Variants in STX8 observed in about 807,000 individuals in gnomAD.
STX8 encodes syntaxin-8.
Under a neutral mutation model 37.5 loss-of-function variants are expected in STX8, and 23 were observed. That is an observed-to-expected ratio of 0.61 (90% confidence interval 0.44 to 0.87). STX8 has a LOEUF of 0.87. STX8 is among the 40% of genes least tolerant of loss of function. The probability of loss-of-function intolerance (pLI) is 0.00; values close to 1 mark genes in which losing one functional copy is unlikely to be tolerated. For missense variants in STX8, 313 were observed against 284.7 expected (o/e 1.10, Z -0.71); for synonymous variants, 115 against 99.1 (o/e 1.16, Z -0.95).
rs140965935 is a variant in STX8, at chr17:9,356,960, G to GTTTTTTTTTTT, written c.643+21581_643+21591dup. ...TTTCATTCTCTCCATCCTTTTAACAGTTTTTTTTTTTTTTTTTTTTTTTTT... is the reference window on the plus strand; with the variant it reads ...TTTCATTCTCTCCATCCTTTTAACAGTTTTTTTTTTTTTTTTTTTTTTTTTTTTTTTTTTTT... On this transcript the variant is annotated intron_variant, in intron 7 of 7. Transcript: ENST00000306357. Among the ~76,000 whole-genome samples the GTTTTTTTTTTT allele has an allele frequency of 1.4e-3, 84 of 61,748 alleles. 3 individuals are homozygous for GTTTTTTTTTTT. The highest frequency in any genetic ancestry group is 2.0e-3 in the Non-Finnish European group (70 of 34,704). The allele number at this position is 61,748 out of a possible 152,430, so 40.5% of individuals were successfully genotyped here.
chr17:9,415,568 G>A (rs757175859), intron 6 of STX8, among the ~76,000 whole-genome samples: 5 of 151,996 alleles, frequency 3.3e-5, no homozygotes, highest in African/African-American at 4.8e-5. Flanking sequence ...TCAGGAGATT[G>A]AGCATCCTGG....
intron 7 of STX8, among the ~76,000 whole-genome samples, chr17:9,263,415 G>A (rs1223630913): frequency 6.7e-6 from 1 of 150,180 alleles, no homozygotes; most frequent in East Asian, 2.0e-4. Context: ...GGAGGCGGAG[G>A]TTGCAGTGAG....
rs557694768 is a variant in STX8 at position 9,434,111 on chromosome 17, C to T, written c.542-55458G>A. 5.3e-3 allele frequency among the ~76,000 whole-genome samples: 800 copies of T among 152,248 alleles called. 2 individuals are homozygous for T. The highest frequency in any genetic ancestry group is 0.01 in the Middle Eastern group (3 of 294). On this transcript the variant is annotated intron_variant, in intron 6 of 7. Transcript: ENST00000306357. ...CTCCGCCTCCCAGGTTCAAGCAATT[C>T]TCCTGCCTCAGCCTCCTGAGTAGCT...
chr17:9,548,965 G>C (rs1049103449), intron 3 of STX8, among the ~76,000 whole-genome samples: 5 of 152,132 alleles, frequency 3.3e-5, no homozygotes, highest in African/African-American at 1.2e-4. Flanking sequence ...CCTAATGTTT[G>C]TCTCTATCAT....
chr17:9,553,511 A>T (rs1490892271), intron 3 of STX8: 1 of 152,240 alleles, frequency 6.6e-6, no homozygotes, highest in Admixed American at 6.5e-5. Context: ...TAAGTATCAT[A>T]AATTCTCAAC....
chr17:9,256,258 C>G (rs1377580813), intron 7 of STX8, among the ~76,000 whole-genome samples: 1 of 152,200 alleles, frequency 6.6e-6, no homozygotes, highest in African/African-American at 2.4e-5. Flanking sequence ...TCACCCTTGT[C>G]TACACCAGTG....
chr17:9,549,445 G>A (rs144230053), intron 3 of STX8, among the ~76,000 whole-genome samples: 1,754 of 152,282 alleles, frequency 0.012, 35 homozygotes, highest in African/African-American at 0.04. Flanking sequence ...TTAAGGGTGA[G>A]CATGGCTAAG....
At chr17:9,281,212 A>G (rs1043678273) in intron 7 of STX8, among the ~76,000 whole-genome samples, 2 of 152,192 alleles carry the variant, frequency 1.3e-5, no homozygotes, top group African/African-American at 4.8e-5. Flanking sequence ...AAGATGACAG[A>G]GGCTGAAGTC....
intron 6 of STX8, among the ~76,000 whole-genome samples, chr17:9,390,705 T>TG (rs1375706295): frequency 3.4e-5 from 5 of 147,238 alleles, no homozygotes; most frequent in East Asian, 4.0e-4. Context: ...GGCATGGTGG[T>TG]GGGCACCTGT....
At chr17:9,472,661 C>T (rs1905919349) in intron 6 of STX8, among the ~76,000 whole-genome samples, 1 of 152,200 alleles carries the variant, frequency 6.6e-6, no homozygotes, top group African/African-American at 2.4e-5. Context: ...TCAGCTGCTA[C>T]AGCTGGATGG....
intron 7 of STX8, among the ~76,000 whole-genome samples, chr17:9,343,665 G>A (rs923872631): frequency 2.0e-5 from 3 of 152,148 alleles, no homozygotes; most frequent in Non-Finnish European, 4.4e-5. Context: ...TGGGGAAAGT[G>A]AAGAGCAGTT....
rs1327583854 is a variant in STX8, at chr17:9,267,685, T to C, written c.644-17040A>G. On this transcript the variant is annotated intron_variant, in intron 7 of 7. Coordinates refer to ENST00000306357, the MANE Select transcript of STX8 (RefSeq NM_004853.3). ...AATCCTCCAACAGCCTGTATACCTA[T>C]ATGTATAAAAATGCTTAAATTCACC... 5.9e-5 allele frequency among the ~76,000 whole-genome samples: 9 copies of C among 152,296 alleles called. 1 individual carries two copies. The highest frequency in any genetic ancestry group is 2.2e-4 in the African/African-American group (9 of 41,572).
At position 9,339,811 on chromosome 17, in the gene STX8, T is replaced by C. The variant is rs1470253238; in HGVS notation, c.643+38741A>G. On this transcript the variant is annotated intron_variant, in intron 7 of 7. Coordinates refer to ENST00000306357, the MANE Select transcript of STX8 (RefSeq NM_004853.3). ...ACTGGAATCAAACTTTCCCACAGAA[T>C]TGGCGTAAGGACCGAAAGAGACATT... Among the ~76,000 whole-genome samples, 5 of 152,310 alleles carry C rather than the reference T, an allele frequency of 3.3e-5. 1 individual carries two copies. In the East Asian group the frequency reaches 9.7e-4, roughly 29 times the overall value.
intron 7 of STX8, among the ~76,000 whole-genome samples, chr17:9,288,525 G>A (rs1431956795): frequency 6.6e-6 from 1 of 151,994 alleles, no homozygotes; most frequent in Admixed American, 6.6e-5. Flanking sequence ...AGCCGGGCGT[G>A]GTGGCAGGCG....
chr17:9,385,375 A>G (rs956693267), intron 6 of STX8, among the ~76,000 whole-genome samples: 1 of 152,214 alleles, frequency 6.6e-6, no homozygotes. Flanking sequence ...AAAATTAATA[A>G]ATAAGCCACA....
chr17:9,546,687 A>C (rs1225548369), intron 3 of STX8, among the ~76,000 whole-genome samples: 4 of 127,318 alleles, frequency 3.1e-5, no homozygotes, highest in Non-Finnish European at 3.2e-5. Flanking sequence ...AACCTCCGCC[A>C]CCCGGGTTCA....
intron 6 of STX8, among the ~76,000 whole-genome samples, chr17:9,473,519 C>T (rs1905966976): frequency 1.3e-5 from 2 of 152,130 alleles, no homozygotes; most frequent in South Asian, 4.2e-4. Context: ...CACATCCTCC[C>T]GTATAACTTT....
chr17:9,325,518 T>G (rs1909724093), intron 7 of STX8, among the ~76,000 whole-genome samples: 1 of 152,196 alleles, frequency 6.6e-6, no homozygotes, highest in Admixed American at 6.5e-5. Flanking sequence ...AGGGGGCCCA[T>G]GCTTGATTCA....
intron 7 of STX8, among the ~76,000 whole-genome samples, chr17:9,255,629 A>G (rs1323132430): frequency 6.6e-6 from 1 of 152,146 alleles, no homozygotes; most frequent in Non-Finnish European, 1.5e-5. Context: ...CAGTAAGCTG[A>G]TAAGATGTGA....
Sources: allele counts gnomAD v4.1 joint callset (sites outside exome capture counted in the v4.1 genomes callset), GRCh38; gene constraint gnomAD v4.1.1; transcripts MANE v1.5; gene names NCBI Gene and HGNC (gene_info 2026-07-23, HGNC 2026-07-21).